ATP10D: variants seen among roughly 807,000 people sequenced by gnomAD.
The protein encoded by ATP10D is phospholipid-transporting ATPase VD.
In ATP10D, 89 loss-of-function variants were observed where a neutral mutation model predicts 144.8. That is an observed-to-expected ratio of 0.61 (90% CI 0.52 to 0.73). The LOEUF is 0.73. Ranked by LOEUF, ATP10D falls within the 30% of genes least tolerant of loss-of-function variation. The pLI is 0.00. For synonymous variants in ATP10D, 571 were observed against 615.1 expected, an observed-to-expected ratio of 0.93 and a Z score of 1.06; for missense variants, 1,603 against 1,714.8, an observed-to-expected ratio of 0.93 and a Z score of 1.15.
chr4:47,581,435 C>T (rs1286207361), intron 20 of ATP10D, among the ~76,000 whole-genome samples: 1 of 152,102 alleles, frequency 6.6e-6, no homozygotes, highest in Non-Finnish European at 1.5e-5. Flanking sequence ...CAAATAAAAT[C>T]ATTTGAATTA....
chr4:47,576,672 G>A, intron 18 of ATP10D, 101 bp from the exon 19 acceptor site: 2 of 1,052,626 alleles, frequency 1.9e-6, no homozygotes, highest in Non-Finnish European at 2.9e-6. Flanking sequence ...AAACTACAGA[G>A]AGGCTGAGGT....
intron 16 of ATP10D, among the ~76,000 whole-genome samples, chr4:47,571,640 A>G (rs1007427720): frequency 2.6e-5 from 4 of 152,110 alleles, no homozygotes; most frequent in African/African-American, 9.7e-5. Context: ...GTTGGGGGAG[A>G]CCAGTAAGTC....
chr4:47,559,776 G>A (rs1033507569), intron 13 of ATP10D, among the ~76,000 whole-genome samples: 14 of 152,144 alleles, frequency 9.2e-5, no homozygotes, highest in Non-Finnish European at 5.9e-5. Context: ...GAGGCAGGTG[G>A]ATCACCTGAG....
chr4:47,535,605 G>A lies in ATP10D; in HGVS notation c.873G>A (p.Val291=). ...ACACAGAGGCTGTTGTGGGCATTGT[G>A]GTTTATGCAGGTCGGTTATGTTTCT... ...IRNTEAVVGI[V]VYAGHETKAM... is the part of the protein sequence containing the mutation. The change falls in exon 6 of 23, where the codon GTG becomes GTA. Residue 291 remains valine, a synonymous_variant. Transcript: ENST00000273859. 1 of 1,610,364 alleles carries A rather than the reference G, an allele frequency of 6.2e-7. No homozygotes were observed. Among genetic ancestry groups the A allele is most frequent in the Non-Finnish European group, 8.5e-7 (1 of 1,178,682 alleles).
At position 47,591,323 on chromosome 4, in the gene ATP10D, G is replaced by C. The variant is rs764240036; in HGVS notation, c.4223G>C (p.Gly1408Ala). 5 of 1,612,368 alleles carry C rather than the reference G, an allele frequency of 3.1e-6. No homozygotes were observed. In the African/African-American group the frequency reaches 5.3e-5, roughly 17 times the overall value. Residue 1408 changes from glycine (G) to alanine (A), a missense_variant, in exon 23 of 23, where the codon GGC (glycine) becomes GCC (alanine). Transcript: ENST00000273859. ...CTGTGTGAAACTGCTTTAGATCAAG[G>C]CTACTCTGAAACTAAGGCCTTTGAG... ...LSLCETALDQ[G>A]YSETKAFEMA...
At chr4:47,525,679 G>A in intron 5 of ATP10D, 37 bp downstream of exon 5, 2 of 1,474,776 alleles carry the variant, frequency 1.4e-6, no homozygotes, top group Non-Finnish European at 1.9e-6. Flanking sequence ...GGGTGTAAGT[G>A]GAATTGTGTG....
intron 15 of ATP10D, among the ~76,000 whole-genome samples, chr4:47,563,977 C>T (rs1252790909): frequency 1.3e-5 from 2 of 152,154 alleles, no homozygotes; most frequent in African/African-American, 4.8e-5. Context: ...TCACTGCAAC[C>T]TCCACCTCCC....
intron 1 of ATP10D, among the ~76,000 whole-genome samples, chr4:47,485,824 T>C (rs12651683): frequency 1.1e-3 from 4 of 3,594 alleles, no homozygotes; most frequent in Admixed American, 3.0e-3. Flanking sequence ...GGCACGTACA[T>C]ACACGCATTC....
intron 21 of ATP10D, among the ~76,000 whole-genome samples, chr4:47,582,472 C>G (rs1720566557): frequency 6.6e-6 from 1 of 152,134 alleles, no homozygotes; most frequent in South Asian, 2.1e-4. Context: ...TTTGGCTCTC[C>G]TTTGGGTAAA....
At chr4:47,497,253 C>G (rs1006102057) in intron 1 of ATP10D, among the ~76,000 whole-genome samples, 2 of 152,086 alleles carry the variant, frequency 1.3e-5, no homozygotes, top group Non-Finnish European at 2.9e-5. Context: ...GTCAGGAGTT[C>G]GAGACCAGCC....
chr4:47,519,836 C>T (rs1004960242), intron 3 of ATP10D, among the ~76,000 whole-genome samples: 1 of 152,172 alleles, frequency 6.6e-6, no homozygotes. Context: ...TTGACCATAA[C>T]CTCTCTAGAG....
rs1718908578 is a variant in ATP10D, at chr4:47,555,010, GATAA to G, written c.1824+101_1824+104del. On this transcript the variant is annotated intron_variant, in intron 11 of 22. Coordinates refer to ENST00000273859, the MANE Select transcript of ATP10D (RefSeq NM_020453.4). Reference sequence around the variant, plus strand: ...CTGAGCTTGATATATGGATAAAAATGATAAATAATAGTAGCTGTATAACACTGAT... The same window carrying G: ...CTGAGCTTGATATATGGATAAAAATGATAATAGTAGCTGTATAACACTGAT... 14 of 1,047,332 alleles carry G rather than the reference GATAA, an allele frequency of 1.3e-5. No homozygotes were observed. In the Middle Eastern group the frequency reaches 8.5e-4, roughly 63 times the overall value. The allele number at this position is 1,047,332 out of a possible 1,614,324, so 64.9% of individuals were successfully genotyped here.
chr4:47,579,919 A>G (rs1011749801), intron 19 of ATP10D, among the ~76,000 whole-genome samples: 1 of 152,218 alleles, frequency 6.6e-6, no homozygotes, highest in African/African-American at 2.4e-5. Context: ...TAAATGGGAA[A>G]TGGGTTTAAA....
rs539824752 is a variant in ATP10D at position 47,492,083 on chromosome 4, G to C, written c.-38+6564G>C. Among the ~76,000 whole-genome samples, 9 of 152,260 alleles carry C rather than the reference G, an allele frequency of 5.9e-5. 1 individual carries two copies. In the South Asian group the frequency reaches 1.9e-3, roughly 32 times the overall value. ...GTTTATTTCCAGTATCGATAACAAT[G>C]CCTGGCATATAGTAGGAGTGCCAAA... On this transcript the variant is annotated intron_variant, in intron 1 of 22. Coordinates refer to ENST00000273859, the MANE Select transcript of ATP10D (RefSeq NM_020453.4).
intron 13 of ATP10D, among the ~76,000 whole-genome samples, chr4:47,559,996 T>C (rs780107343): frequency 6.6e-6 from 1 of 151,914 alleles, no homozygotes; most frequent in Non-Finnish European, 1.5e-5. Context: ...CAAAACTCCA[T>C]CTCAAAACAA....
At chr4:47,554,187 T>A (rs1220601231) in intron 10 of ATP10D, among the ~76,000 whole-genome samples, 3 of 152,242 alleles carry the variant, frequency 2.0e-5, no homozygotes, top group African/African-American at 4.8e-5. Flanking sequence ...GAACCCTTAT[T>A]AATGTCTTGT....
Position 47,568,974 on chromosome 4 carries a change from CATT to C in ATP10D, c.2994_2996del (p.Ile999del). 6.2e-7 allele frequency: 1 copy of C among 1,614,190 alleles called. No individual in the cohort carries two copies. Among genetic ancestry groups the C allele is most frequent in the Non-Finnish European group, 8.5e-7 (1 of 1,180,032 alleles). On this transcript the variant is annotated inframe_deletion, in exon 16 of 23. Transcript: ENST00000273859. The stretch of plus-strand genomic sequence containing the variant: ...GGGACTCAGGGTTACGAGCTGGACT[CATT>C]ATCACTGGGAAGACCCTGGAGTTTG...
chr4:47,575,087 G>A (rs1379435134), intron 18 of ATP10D, among the ~76,000 whole-genome samples: 2 of 152,096 alleles, frequency 1.3e-5, no homozygotes, highest in Non-Finnish European at 2.9e-5. Context: ...AAAGTGCTGG[G>A]ATTACAGGCA....
chr4:47,573,019 G>A lies in ATP10D; in HGVS notation c.3366+22G>A, dbSNP rs1720046889. 3.7e-6 allele frequency: 6 copies of A among 1,613,118 alleles called. No individual in the cohort carries two copies. The Middle Eastern group carries it at 6.6e-4, about 177-fold the overall frequency. ...TGTGGTATGTAACCCCAGAGAATTT[G>A]TCCCTTTTCCCTTCGTACCTTCCAA... On this transcript the variant is annotated intron_variant, in intron 18 of 22. Transcript: ENST00000273859.
Sources: allele counts gnomAD v4.1 joint callset (sites outside exome capture counted in the v4.1 genomes callset), GRCh38; gene constraint gnomAD v4.1.1; transcripts MANE v1.5; gene names NCBI Gene and HGNC (gene_info 2026-07-23, HGNC 2026-07-21).